The following PBX1 variants were observed in gnomAD, a reference collection of about 807,000 sequenced individuals.
PBX1 encodes pre-B-cell leukemia transcription factor 1.
In PBX1, 6 loss-of-function variants were observed where a neutral mutation model predicts 53.4. That is an observed-to-expected ratio of 0.11 (90% CI 0.06 to 0.22). The LOEUF (loss-of-function observed/expected upper bound fraction) is 0.22, where lower values mean the gene tolerates loss of function less well. Ranked by LOEUF, PBX1 falls within the 10% of genes least tolerant of loss-of-function variation. The pLI is 1.00. For missense variants in PBX1, 251 were observed against 551.4 expected (o/e 0.46, Z 5.46); for synonymous variants, 204 against 212.3 (o/e 0.96, Z 0.34).
intron 2 of PBX1, among the ~76,000 whole-genome samples, chr1:164,566,840 G>GCTA (rs1266561122): frequency 3.9e-5 from 6 of 152,268 alleles, no homozygotes; most frequent in African/African-American, 1.4e-4. Context: ...GAACATAATA[G>GCTA]CTATATATGG....
At chr1:164,831,149 G>C (rs772852651) in intron 8 of PBX1, among the ~76,000 whole-genome samples, 1 of 151,848 alleles carries the variant, frequency 6.6e-6, no homozygotes, top group Non-Finnish European at 1.5e-5. Flanking sequence ...AACTCTACTG[G>C]CTTCGTCATA....
intron 2 of PBX1, among the ~76,000 whole-genome samples, chr1:164,730,059 C>T (rs994632688): frequency 1.3e-5 from 2 of 152,124 alleles, no homozygotes; most frequent in Non-Finnish European, 2.9e-5. Context: ...TGGGGTAAAC[C>T]CTGGAGGGCT....
chr1:164,639,410 G>A (rs541097484), intron 2 of PBX1, among the ~76,000 whole-genome samples: 1 of 152,270 alleles, frequency 6.6e-6, no homozygotes, highest in South Asian at 2.1e-4. Flanking sequence ...TGCCTGGATG[G>A]TATTAATTGA....
At chr1:164,597,410 A>T (rs562065883) in intron 2 of PBX1, among the ~76,000 whole-genome samples, 154 of 152,338 alleles carry the variant, frequency 1.0e-3, no homozygotes, top group African/African-American at 3.6e-3. Context: ...AATATAACAT[A>T]GTTCTATGAC....
At chr1:164,824,588 A>T (rs887503884) in intron 8 of PBX1, among the ~76,000 whole-genome samples, 1 of 152,126 alleles carries the variant, frequency 6.6e-6, no homozygotes, top group African/African-American at 2.4e-5. Flanking sequence ...AGGTTAGGAC[A>T]CATTTGTCAC....
intron 2 of PBX1, among the ~76,000 whole-genome samples, chr1:164,584,439 CTCTTATGTGATGT>C (rs1256165542): frequency 2.0e-5 from 3 of 152,076 alleles, no homozygotes; most frequent in Non-Finnish European, 4.4e-5. Context: ...CTTATGTATG[CTCTTATGTGATGT>C]GTCGAGAATT....
In PBX1 at chr1:164,780,469, A is replaced by G. The variant is rs181956998; in HGVS notation, c.266-12025A>G. ...AATTTGAATGCTCGCACTCAAGTTC[A>G]AGAAAAGTTAAACCCATTTGACCTC... On this transcript the variant is annotated intron_variant, in intron 2 of 8. Coordinates refer to ENST00000420696, the MANE Select transcript of PBX1 (RefSeq NM_002585.4). Among the ~76,000 whole-genome samples, 524 of 152,330 alleles carry G rather than the reference A, an allele frequency of 3.4e-3. 6 individuals carry two copies. Among genetic ancestry groups the G allele is most frequent in the Non-Finnish European group, 6.1e-3 (414 of 68,040 alleles).
At chr1:164,675,697 T>A (rs1661393033) in intron 2 of PBX1, among the ~76,000 whole-genome samples, 1 of 152,178 alleles carries the variant, frequency 6.6e-6, no homozygotes, top group Non-Finnish European at 1.5e-5. Flanking sequence ...CCATTATGAA[T>A]AAGCTCCAGG....
chr1:164,717,051 A>C (rs920112242), intron 2 of PBX1, among the ~76,000 whole-genome samples: 5 of 152,146 alleles, frequency 3.3e-5, no homozygotes, highest in African/African-American at 4.8e-5. Flanking sequence ...ATTTGAGAAG[A>C]ACCAAATACA....
At chr1:164,611,859 C>G (rs1011545082) in intron 2 of PBX1, among the ~76,000 whole-genome samples, 2 of 152,090 alleles carry the variant, frequency 1.3e-5, no homozygotes, top group Non-Finnish European at 2.9e-5. Context: ...TAACATTTCT[C>G]GCATCTCACT....
intron 2 of PBX1, among the ~76,000 whole-genome samples, chr1:164,750,667 A>G (rs1342820834): frequency 1.3e-5 from 2 of 152,142 alleles, no homozygotes; most frequent in East Asian, 1.9e-4. Context: ...AAAAATGTTC[A>G]TTGTTCTTTT....
chr1:164,870,241 CCTTCCTTCCTTCCTTCCTTCCT>C (rs1672322810), intron 2 of PBX1, among the ~76,000 whole-genome samples: 4 of 54,370 alleles, frequency 7.4e-5, no homozygotes, highest in African/African-American at 3.1e-4. Context: ...TTCCTTCCTT[CCTTCCTTCCTTCCTTCCTTCCT>C]TCCTTCTTTC....
intron 2 of PBX1, among the ~76,000 whole-genome samples, chr1:164,785,329 A>G (rs1668123088): frequency 6.6e-6 from 1 of 152,218 alleles, no homozygotes; most frequent in African/African-American, 2.4e-5. Context: ...GAGAATAAGG[A>G]GTGAAGAACA....
chr1:164,870,317 CTTTCTTTCT>C (rs1672342487), intron 2 of PBX1, among the ~76,000 whole-genome samples: 1 of 90,948 alleles, frequency 1.1e-5, no homozygotes, highest in African/African-American at 4.7e-5. Context: ...TTCTTTCTTT[CTTTCTTTCT>C]TTCTTTCTTT....
chr1:164,835,562 G>T (rs1468301171), intron 8 of PBX1, among the ~76,000 whole-genome samples: 1 of 152,118 alleles, frequency 6.6e-6, no homozygotes, highest in Non-Finnish European at 1.5e-5. Context: ...TGGGTTGCTA[G>T]TGCGATTGAA....
At chr1:164,663,248 T>G (rs6698955) in intron 2 of PBX1, among the ~76,000 whole-genome samples, 1 of 144,188 alleles carries the variant, frequency 6.9e-6, no homozygotes, top group Admixed American at 6.9e-5. Flanking sequence ...CTTCCTGCCT[T>G]CCTGCCTGCC....
chr1:164,583,867 C>T (rs1002927052), intron 2 of PBX1, among the ~76,000 whole-genome samples: 2 of 152,074 alleles, frequency 1.3e-5, no homozygotes, highest in African/African-American at 2.4e-5. Flanking sequence ...TGGGAGAAAA[C>T]GAAGGCGCTT....
chr1:164,693,174 G>C (rs918512081), intron 2 of PBX1, among the ~76,000 whole-genome samples: 2 of 152,224 alleles, frequency 1.3e-5, no homozygotes, highest in Admixed American at 1.3e-4. Flanking sequence ...CAACAGCAGA[G>C]CAGAGCAGAG....
At chr1:164,570,866 C>T (rs539618733) in intron 2 of PBX1, among the ~76,000 whole-genome samples, 3 of 152,330 alleles carry the variant, frequency 2.0e-5, no homozygotes, top group Admixed American at 1.3e-4. Flanking sequence ...TCTCCAGCAT[C>T]TGTTGTTTCC....
Sources: gnomAD v4.1 joint callset for allele counts (sites outside exome capture counted in the v4.1 genomes callset) on GRCh38, gnomAD v4.1.1 for gene constraint, MANE v1.5 for transcripts, NCBI Gene and HGNC (gene_info 2026-07-23, HGNC 2026-07-21) for gene names.